CHD9: variants seen among roughly 807,000 people sequenced by gnomAD.
CHD9 encodes chromodomain helicase DNA binding protein 9.
In CHD9, 77 loss-of-function variants were observed where a neutral mutation model predicts 316.1. That is an observed-to-expected ratio of 0.24 (90% CI 0.20 to 0.29). The LOEUF is 0.29. CHD9 is among the 10% of genes least tolerant of loss of function. CHD9 has a pLI of 1.00. For missense variants in CHD9, 2,763 were observed against 3,438.1 expected, an observed-to-expected ratio of 0.80 and a Z score of 4.91; for synonymous variants, 1,129 against 1,158.3, an observed-to-expected ratio of 0.97 and a Z score of 0.51.
In CHD9 at chr16:53,156,739, C is replaced by T; in HGVS notation, c.650C>T (p.Thr217Ile). ...AATGTTAACCACCCACCACAGATGACTAATGCATCTAATTCACAACAGTCT... is the reference window on the plus strand; with the variant it reads ...AATGTTAACCACCCACCACAGATGATTAATGCATCTAATTCACAACAGTCT... ...RVNVNHPPQM[T>I]NASNSQQSIS... is the part of the protein sequence containing the mutation. Residue 217 changes from threonine to isoleucine, a missense_variant, in exon 2 of 39, where the codon ACT (threonine) becomes ATT (isoleucine). Physicochemically the swap from Thr to Ile is moderately conservative, Grantham distance 89. This residue lies in a region of CHD9 where 859 missense variants were observed against 890.4 expected (regional missense o/e 0.96). Transcript: ENST00000447540. 1 of 1,613,484 alleles carries T rather than the reference C, an allele frequency of 6.2e-7. No homozygotes were observed. Among genetic ancestry groups the T allele is most frequent in the Non-Finnish European group, 8.5e-7 (1 of 1,179,424 alleles).
intron 2 of CHD9, among the ~76,000 whole-genome samples, chr16:53,178,934 G>A (rs532421866): frequency 1.3e-5 from 2 of 152,202 alleles, no homozygotes; most frequent in African/African-American, 4.8e-5. Context: ...GATTGTTGAG[G>A]CTAGGACTTT....
intron 1 of CHD9, among the ~76,000 whole-genome samples, chr16:53,109,979 C>T (rs1457390815): frequency 6.6e-6 from 1 of 152,058 alleles, no homozygotes; most frequent in Non-Finnish European, 1.5e-5. Flanking sequence ...CCACTGCGCC[C>T]GGCCTGGATT....
intron 1 of CHD9, among the ~76,000 whole-genome samples, chr16:53,100,731 G>T (rs1166087097): frequency 6.6e-6 from 1 of 152,194 alleles, no homozygotes; most frequent in Non-Finnish European, 1.5e-5. Flanking sequence ...CTTTCGAAGT[G>T]CTGGGATTAC....
intron 5 of CHD9, chr16:53,227,019 A>G (rs1388150894): frequency 9.2e-6 from 2 of 216,334 alleles, no homozygotes; most frequent in African/African-American, 4.8e-5. Flanking sequence ...TATATGCATT[A>G]TGACCCAACC....
chr16:53,092,752 G>C (rs1348628993), intron 1 of CHD9, among the ~76,000 whole-genome samples: 1 of 151,990 alleles, frequency 6.6e-6, no homozygotes, highest in African/African-American at 2.4e-5. Flanking sequence ...TTTTCCAGAG[G>C]CACCTGCACC....
Position 53,247,567 on chromosome 16 carries a change from T to C in CHD9, c.3665+64T>C. 7 of 1,125,092 alleles carry C rather than the reference T, an allele frequency of 6.2e-6. No individual in the cohort carries two copies. In the South Asian group the frequency reaches 8.4e-5, roughly 14 times the overall value. The allele number at this position is 1,125,092 out of a possible 1,614,324, so 69.7% of individuals were successfully genotyped here. ...TATGCTATTAAGATTTGTGCAGCAC[T>C]GTAATGTAAATGAACTTTACTCATA... is the stretch of plus-strand genomic sequence containing the variant. On this transcript the variant is annotated intron_variant, in intron 16 of 38. Coordinates refer to ENST00000447540, the MANE Select transcript of CHD9 (RefSeq NM_001308319.2).
intron 1 of CHD9, among the ~76,000 whole-genome samples, chr16:53,068,613 A>T (rs1468216393): frequency 1.3e-5 from 2 of 151,846 alleles, no homozygotes; most frequent in Admixed American, 1.3e-4. Flanking sequence ...CACAGCACCC[A>T]CTCCACTGTA....
chr16:53,217,767 T>TA (rs966125586), intron 3 of CHD9, among the ~76,000 whole-genome samples: 24 of 151,470 alleles, frequency 1.6e-4, no homozygotes, highest in Non-Finnish European at 2.4e-4. Flanking sequence ...TCATTTTATT[T>TA]AAAAAAAAAT....
At chr16:53,152,769 G>T (rs1195206528) in intron 1 of CHD9, among the ~76,000 whole-genome samples, 1 of 152,148 alleles carries the variant, frequency 6.6e-6, no homozygotes, top group Admixed American at 6.5e-5. Context: ...TAGATTTAAG[G>T]TAGTGATATA....
intron 21 of CHD9, 136 bp downstream of exon 21, chr16:53,267,626 T>C (rs2051825037): frequency 1.8e-5 from 12 of 660,948 alleles, no homozygotes; most frequent in Admixed American, 6.9e-5. Context: ...ATTTTTAGCA[T>C]ATATTTAAGA....
intron 34 of CHD9, among the ~76,000 whole-genome samples, chr16:53,309,759 G>A (rs920359525): frequency 2.6e-5 from 4 of 152,010 alleles, no homozygotes; most frequent in Non-Finnish European, 5.9e-5. Context: ...GAGCCACCAC[G>A]CCCAGCCTGT....
At chr16:53,279,524 T>A (rs2053207630) in intron 24 of CHD9, among the ~76,000 whole-genome samples, 3 of 151,952 alleles carry the variant, frequency 2.0e-5, no homozygotes, top group Admixed American at 2.0e-4. Context: ...AAAAATCAAC[T>A]AGAGATGGAT....
At chr16:53,109,626 C>T (rs769262737) in intron 1 of CHD9, among the ~76,000 whole-genome samples, 16 of 150,812 alleles carry the variant, frequency 1.1e-4, no homozygotes, top group Non-Finnish European at 2.1e-4. Flanking sequence ...TGAGCCACAG[C>T]GCCCGTCCTA....
intron 1 of CHD9, among the ~76,000 whole-genome samples, chr16:53,092,087 T>C (rs1232379655): frequency 6.6e-6 from 1 of 152,190 alleles, no homozygotes. Context: ...GGCAGGGAGA[T>C]GCTGCCAACT....
chr16:53,167,098 G>A (rs528983881), intron 2 of CHD9, among the ~76,000 whole-genome samples: 2 of 152,142 alleles, frequency 1.3e-5, no homozygotes, highest in African/African-American at 2.4e-5. Flanking sequence ...ACTATGGACA[G>A]ATACATATTT....
chr16:53,125,904 A>G (rs2038949513), intron 1 of CHD9, among the ~76,000 whole-genome samples: 2 of 152,194 alleles, frequency 1.3e-5, no homozygotes, highest in South Asian at 4.1e-4. Flanking sequence ...GTTGAGGAGC[A>G]TCTGTAATTT....
intron 34 of CHD9, among the ~76,000 whole-genome samples, chr16:53,309,503 A>G (rs1039100666): frequency 1.3e-5 from 2 of 152,200 alleles, no homozygotes; most frequent in Admixed American, 6.5e-5. Flanking sequence ...CCTACAAACT[A>G]TCTGTCTGTC....
intron 15 of CHD9, 88 bp from the exon 16 acceptor site, chr16:53,247,205 C>G: frequency 1.1e-6 from 1 of 874,818 alleles, no homozygotes; most frequent in Non-Finnish European, 1.8e-6. Flanking sequence ...CAGAAGCACA[C>G]AGGAGCACTA....
intron 15 of CHD9, among the ~76,000 whole-genome samples, 189 bp downstream of exon 15, chr16:53,246,039 G>A (rs1489455519): frequency 6.6e-6 from 1 of 152,172 alleles, no homozygotes; most frequent in African/African-American, 2.4e-5. Flanking sequence ...TAACACACCA[G>A]GTTATGACAG....
Sources: allele counts gnomAD v4.1 joint callset (sites outside exome capture counted in the v4.1 genomes callset), GRCh38; gene constraint gnomAD v4.1.1; regional missense constraint gnomAD v4.1.1; transcripts MANE v1.5; gene names NCBI Gene and HGNC (gene_info 2026-07-23, HGNC 2026-07-21).